SLC8A1: variants seen among roughly 807,000 people sequenced by gnomAD.
The protein encoded by SLC8A1 is solute carrier family 8 member A1, also known as sodium/calcium exchanger 1.
Under a neutral mutation model 68.3 loss-of-function variants are expected in SLC8A1, and 18 were observed. The observed-to-expected ratio is 0.26, with a 90% CI of 0.18 to 0.39. The LOEUF (loss-of-function observed/expected upper bound fraction) is 0.39, where lower values mean the gene tolerates loss of function less well. Among genes scored for constraint, SLC8A1 ranks in the 10% least tolerant of loss-of-function variants. SLC8A1 has a pLI of 1.00. For missense variants in SLC8A1, 985 were observed against 1,156.7 expected, an observed-to-expected ratio of 0.85 and a Z score of 2.15; for synonymous variants, 475 against 415.5, an observed-to-expected ratio of 1.14 and a Z score of -1.74.
At chr2:40,107,290 A>AAAAAAAAAAG (rs2034271949) in exon 8 of SLC8A1, 1 of 149,358 alleles carries the variant, frequency 6.7e-6, no homozygotes, top group African/African-American at 2.5e-5. Flanking sequence ...AAAAAAAAAA[A>AAAAAAAAAAG]AAAAAAAAAG....
At chr2:40,313,254 A>G (rs181237921) in intron 2 of SLC8A1, among the ~76,000 whole-genome samples, 3 of 152,238 alleles carry the variant, frequency 2.0e-5, no homozygotes, top group African/African-American at 4.8e-5. Flanking sequence ...AGAGTCATCC[A>G]TGTTGTGTGA....
chr2:40,306,908 T>A (rs77225717), intron 2 of SLC8A1, among the ~76,000 whole-genome samples: 1,848 of 152,250 alleles, frequency 0.012, 29 homozygotes, highest in African/African-American at 0.042. Context: ...ATTTTTTTTG[T>A]TTGCTTAATG....
chr2:40,368,123 C>T (rs1030841943), intron 2 of SLC8A1, among the ~76,000 whole-genome samples: 6 of 151,980 alleles, frequency 3.9e-5, no homozygotes, highest in African/African-American at 1.5e-4. Context: ...TTCTTTTAAT[C>T]ATTGATAAAA....
rs530616220 is a variant in SLC8A1 at position 40,236,067 on chromosome 2, G to A, written c.1809-58212C>T. On this transcript the variant is annotated intron_variant, in intron 2 of 7. Transcript: ENST00000406785. ...GGTGTGGTGTGGTGCTGAAAAAAATGTATATTCTGTTGATTTGGGGTGGAC... is the reference window on the plus strand; with the variant it reads ...GGTGTGGTGTGGTGCTGAAAAAAATATATATTCTGTTGATTTGGGGTGGAC... Among the ~76,000 whole-genome samples, 198 of 152,200 alleles carry A rather than the reference G, an allele frequency of 1.3e-3. 1 individual carries two copies. The highest frequency in any genetic ancestry group is 4.5e-3 in the African/African-American group (187 of 41,500).
At chr2:40,313,203 G>A (rs1351140679) in intron 2 of SLC8A1, among the ~76,000 whole-genome samples, 3 of 152,068 alleles carry the variant, frequency 2.0e-5, no homozygotes, top group Non-Finnish European at 4.4e-5. Flanking sequence ...TTGGGGAGGG[G>A]AAGGAGGAGA....
Position 40,139,663 on chromosome 2 carries a change from G to A in SLC8A1, c.2175C>T (p.Asp725=), listed in dbSNP as rs139842575. 28 of 1,613,566 alleles carry A rather than the reference G, an allele frequency of 1.7e-5. No individual in the cohort carries two copies. In the East Asian group the frequency reaches 2.0e-4, roughly 12 times the overall value. Residue 725 remains aspartate (D), a synonymous_variant, in exon 7 of 8, where the codon GAC becomes GAT. Coordinates refer to ENST00000406785, the Ensembl canonical transcript of SLC8A1. The stretch of plus-strand genomic sequence containing the variant: ...GCTTCTCTTCCCCACATTCATCGTC[G>A]TCATCATCTTCCCCTAGAGAGAATG...
chr2:40,311,029 A>T (rs2073568529), intron 2 of SLC8A1, among the ~76,000 whole-genome samples: 1 of 152,176 alleles, frequency 6.6e-6, no homozygotes, highest in African/African-American at 2.4e-5. Context: ...AGGTTTAGAA[A>T]CTGAGAGAAA....
chr2:40,461,958 A>G (rs1476823232), intron 1 of SLC8A1, among the ~76,000 whole-genome samples: 1 of 146,404 alleles, frequency 6.8e-6, no homozygotes, highest in African/African-American at 2.5e-5. Flanking sequence ...AGAATATGCT[A>G]GATTTTTCGA....
At chr2:40,204,109 A>C (rs2054923584) in intron 2 of SLC8A1, among the ~76,000 whole-genome samples, 1 of 152,022 alleles carries the variant, frequency 6.6e-6, no homozygotes, top group African/African-American at 2.4e-5. Context: ...CATTTGAAAA[A>C]TGCACACATG....
intron 2 of SLC8A1, among the ~76,000 whole-genome samples, chr2:40,293,248 C>T (rs1482008174): frequency 6.6e-6 from 1 of 152,092 alleles, no homozygotes; most frequent in African/African-American, 2.4e-5. Context: ...AAAAGTCTCA[C>T]AAAGGCATGA....
chr2:40,161,644 A>G (rs2045705450), intron 5 of SLC8A1, among the ~76,000 whole-genome samples: 1 of 152,178 alleles, frequency 6.6e-6, no homozygotes, highest in South Asian at 2.1e-4. Context: ...ATGTAACAAC[A>G]AGAGCAGCCA....
chr2:40,422,827 T>A (rs938470269), intron 2 of SLC8A1, among the ~76,000 whole-genome samples: 1 of 152,162 alleles, frequency 6.6e-6, no homozygotes, highest in African/African-American at 2.4e-5. Context: ...AACAAGCACA[T>A]AACCTTTTAT....
intron 2 of SLC8A1, among the ~76,000 whole-genome samples, chr2:40,303,037 C>A (rs1354556135): frequency 6.6e-6 from 1 of 152,154 alleles, no homozygotes; most frequent in Non-Finnish European, 1.5e-5. Context: ...ATTTTCAATT[C>A]TTCCTTTCTT....
intron 1 of SLC8A1, among the ~76,000 whole-genome samples, chr2:40,483,858 C>A (rs1704792907): frequency 6.6e-6 from 1 of 152,142 alleles, no homozygotes; most frequent in Non-Finnish European, 1.5e-5. Context: ...TAAAAGAAAT[C>A]CTGGTGATTA....
chr2:40,206,233 A>G (rs1398698376), intron 2 of SLC8A1, among the ~76,000 whole-genome samples: 1 of 152,062 alleles, frequency 6.6e-6, no homozygotes, highest in Non-Finnish European at 1.5e-5. Context: ...GACAAATATC[A>G]GAACTGTGGA....
intron 2 of SLC8A1, among the ~76,000 whole-genome samples, chr2:40,226,153 A>G (rs2058948912): frequency 6.6e-6 from 1 of 152,104 alleles, no homozygotes; most frequent in African/African-American, 2.4e-5. Flanking sequence ...TGTGACAGCT[A>G]CTTCACAAGC....
chr2:40,270,501 C>T (rs1408722262), intron 2 of SLC8A1, among the ~76,000 whole-genome samples: 1 of 152,220 alleles, frequency 6.6e-6, no homozygotes, highest in Non-Finnish European at 1.5e-5. Flanking sequence ...CCTGCATTCC[C>T]TGGCCTTTGG....
intron 2 of SLC8A1, among the ~76,000 whole-genome samples, chr2:40,400,308 T>TATCCTAGAACCAAAAG (rs1256618594): frequency 1.3e-5 from 2 of 152,060 alleles, no homozygotes; most frequent in Non-Finnish European, 2.9e-5. Context: ...TCCATTAACC[T>TATCCTAGAACCAAAAG]ATCCTAGAAC....
intron 2 of SLC8A1, among the ~76,000 whole-genome samples, chr2:40,274,609 G>A (rs2066472502): frequency 6.6e-6 from 1 of 152,164 alleles, no homozygotes; most frequent in Non-Finnish European, 1.5e-5. Context: ...ATATCAACAG[G>A]CTTCCGTTTT....
Sources: allele counts gnomAD v4.1 joint callset (sites outside exome capture counted in the v4.1 genomes callset), GRCh38; gene constraint gnomAD v4.1.1; transcripts MANE v1.5; gene names NCBI Gene and HGNC (gene_info 2026-07-23, HGNC 2026-07-21).